COL28A1: variants seen among roughly 807,000 people sequenced by gnomAD.
COL28A1 encodes the protein collagen alpha-1(XXVIII) chain.
COL28A1 carries 161 observed loss-of-function variants against 150.2 expected under a neutral mutation model. The ratio of observed to expected loss-of-function variants is 1.07; its 90% confidence interval spans 0.94 to 1.22. The LOEUF (loss-of-function observed/expected upper bound fraction) is 1.22. Ranked by LOEUF, COL28A1 falls within the 50% of genes most tolerant of loss-of-function variation. The pLI, the probability that COL28A1 is intolerant of heterozygous loss-of-function variation, is 0.00. For missense variants in COL28A1, 1,617 were observed against 1,388.3 expected (o/e 1.16, Z -2.62); for synonymous variants, 552 against 469.7 (o/e 1.18, Z -2.26).
chr7:7,477,839 C>A (rs1490904546), intron 13 of COL28A1, among the ~76,000 whole-genome samples: 3 of 152,204 alleles, frequency 2.0e-5, no homozygotes, highest in African/African-American at 7.2e-5. Context: ...TCTGGCCCCA[C>A]CCACTTCCTG....
rs1167452432 is a variant in COL28A1 at position 7,391,718 on chromosome 7, C to CATT, written c.2137-10109_2137-10107dup. Among the ~76,000 whole-genome samples the CATT allele has an allele frequency of 2.0e-5, 3 of 151,602 alleles. No homozygotes were observed. The East Asian group carries it at 5.8e-4, about 29-fold the overall frequency. On this transcript the variant is annotated intron_variant, in intron 27 of 34. Transcript: ENST00000399429. The stretch of plus-strand genomic sequence containing the variant: ...CTTCATGTTGCATTGATCCCTTTAC[C>CATT]ATTATGTAATGCCCTTCTTTGTCTT...
intron 6 of COL28A1, 59 bp downstream of exon 6, chr7:7,520,003 T>A (rs1376843537): frequency 1.8e-5 from 15 of 828,216 alleles, no homozygotes; most frequent in East Asian, 2.5e-5. Flanking sequence ...ATTGTTGTTT[T>A]AAAAAAAAAG....
chr7:7,451,512 C>G (rs1786690356), intron 18 of COL28A1, among the ~76,000 whole-genome samples: 1 of 152,172 alleles, frequency 6.6e-6, no homozygotes, highest in Non-Finnish European at 1.5e-5. Context: ...GTGTGAGCCA[C>G]TACGCCCAGC....
chr7:7,380,885 A>T lies in COL28A1; in HGVS notation c.2206-23T>A, dbSNP rs141208158. 12,945 of 1,590,934 alleles carry T rather than the reference A, an allele frequency of 8.1e-3. 73 individuals are homozygous for T. The highest frequency in any genetic ancestry group is 9.7e-3 in the Non-Finnish European group (11,228 of 1,159,802). On this transcript the variant is annotated intron_variant, in intron 28 of 34. Coordinates refer to ENST00000399429, the MANE Select transcript of COL28A1 (RefSeq NM_001037763.3). The stretch of plus-strand genomic sequence containing the variant: ...TCCCTTTACACAATAGGGTAAAATG[A>T]TAGGTTCAGAATGTGAATCTAAAAG...
At position 7,358,109 on chromosome 7, in the gene COL28A1, A is replaced by T. The variant is rs1205450651; in HGVS notation, c.*524T>A. 6.6e-6 allele frequency: 1 copy of T among 152,048 alleles called. No individual in the cohort carries two copies. Among genetic ancestry groups the T allele is most frequent in the Admixed American group, 6.6e-5 (1 of 15,254 alleles). 9.4% of individuals were successfully genotyped at this position (152,048 alleles called of 1,614,324 possible). On this transcript the variant is annotated 3_prime_UTR_variant, in exon 35 of 35. Transcript: ENST00000399429. Reference sequence around the variant, plus strand: ...GGGCAAGTGAGGCAAAAATCTAACTACCCTCACCATCCCGACTCCTATCCC... The same window carrying T: ...GGGCAAGTGAGGCAAAAATCTAACTTCCCTCACCATCCCGACTCCTATCCC...
intron 30 of COL28A1, among the ~76,000 whole-genome samples, chr7:7,377,149 G>A (rs949020729): frequency 6.6e-6 from 1 of 152,096 alleles, no homozygotes; most frequent in African/African-American, 2.4e-5. Context: ...TCACTTATAA[G>A]AGCAATGCAT....
At chr7:7,426,097 G>C (rs1427245066) in intron 25 of COL28A1, among the ~76,000 whole-genome samples, 4 of 151,986 alleles carry the variant, frequency 2.6e-5, no homozygotes, top group African/African-American at 9.7e-5. Flanking sequence ...TCTACTTTGG[G>C]GACAATAAAA....
intron 3 of COL28A1, among the ~76,000 whole-genome samples, chr7:7,524,472 A>G (rs915090755): frequency 6.6e-6 from 1 of 151,994 alleles, no homozygotes; most frequent in Non-Finnish European, 1.5e-5. Context: ...ATTAACCTAT[A>G]TTTTCTAGGA....
chr7:7,352,187 T>C (rs543095095), downstream of COL28A1, among the ~76,000 whole-genome samples: 1 of 152,338 alleles, frequency 6.6e-6, no homozygotes, highest in East Asian at 1.9e-4. Context: ...TCATTATTTC[T>C]GTAATGACTT....
At chr7:7,443,463 C>A in intron 20 of COL28A1, 122 bp downstream of exon 20, 1 of 1,443,802 alleles carries the variant, frequency 6.9e-7, no homozygotes, top group Non-Finnish European at 9.3e-7. Context: ...AGTATTCATA[C>A]TTTTAAGCCA....
At chr7:7,378,080 C>T (rs1184073801) in intron 30 of COL28A1, among the ~76,000 whole-genome samples, 1 of 152,060 alleles carries the variant, frequency 6.6e-6, no homozygotes, top group African/African-American at 2.4e-5. Context: ...AAGACATCCA[C>T]CTAGAGATGT....
chr7:7,432,280 G>A (rs969011653), intron 25 of COL28A1, among the ~76,000 whole-genome samples, 193 bp downstream of exon 25: 1 of 152,082 alleles, frequency 6.6e-6, no homozygotes, highest in Non-Finnish European at 1.5e-5. Flanking sequence ...AGAGAAGGAG[G>A]ACCCAAACCA....
At chr7:7,497,972 C>A (rs1227597522) in intron 11 of COL28A1, among the ~76,000 whole-genome samples, 3 of 152,090 alleles carry the variant, frequency 2.0e-5, no homozygotes, top group Non-Finnish European at 4.4e-5. Flanking sequence ...AAAGTCCAGT[C>A]CATATACTCT....
chr7:7,396,472 C>CT (rs1782842497), intron 27 of COL28A1, among the ~76,000 whole-genome samples: 1 of 152,030 alleles, frequency 6.6e-6, no homozygotes, highest in Non-Finnish European at 1.5e-5. Context: ...TTCCCCTTCT[C>CT]TGACTTGATA....
intron 25 of COL28A1, among the ~76,000 whole-genome samples, chr7:7,428,715 T>C (rs1446425298): frequency 1.3e-5 from 2 of 152,226 alleles, no homozygotes; most frequent in African/African-American, 2.4e-5. Flanking sequence ...GGATGAGCAC[T>C]TCCCACTTAG....
At chr7:7,416,413 G>A (rs577809215) in intron 27 of COL28A1, among the ~76,000 whole-genome samples, 12 of 152,146 alleles carry the variant, frequency 7.9e-5, no homozygotes, top group African/African-American at 2.4e-4. Flanking sequence ...GGAGAAAACC[G>A]GCCCCAGGCC....
At position 7,373,629 on chromosome 7, in the gene COL28A1, T is replaced by C. The variant is rs1284097008; in HGVS notation, c.2360-83A>G. ...AGGGGAGGGGAGAAAAAGTCAATGA[T>C]GAACCTGAGACCTAAACTATTCTCT... is the stretch of plus-strand genomic sequence containing the variant. On this transcript the variant is annotated intron_variant, in intron 31 of 34. Transcript: ENST00000399429. The surrounding 1 kb of genome is among the most constrained non-coding windows in gnomAD (Gnocchi z 4.1). 33 of 1,069,430 alleles carry C rather than the reference T, an allele frequency of 3.1e-5. No homozygotes were observed. The highest frequency in any genetic ancestry group is 4.5e-5 in the Non-Finnish European group (33 of 725,548). 66.2% of individuals were successfully genotyped at this position (1,069,430 alleles called of 1,614,324 possible). A position where few individuals can be genotyped will look rare whatever the true frequency, so the allele number is the denominator to read the frequency against.
At chr7:7,539,284 C>G (rs116935186), upstream of COL28A1, among the ~76,000 whole-genome samples, 1 of 152,198 alleles carries the variant, frequency 6.6e-6, no homozygotes, top group Non-Finnish European at 1.5e-5. Context: ...TGCTTCTACT[C>G]ATGGCAGAAG....
chr7:7,479,700 T>G (rs1481120836), intron 13 of COL28A1, among the ~76,000 whole-genome samples: 2 of 152,340 alleles, frequency 1.3e-5, no homozygotes, highest in East Asian at 3.9e-4. Flanking sequence ...AAGAAGTTCA[T>G]GTAACTATTG....
Sources: gnomAD v4.1 joint callset for allele counts (sites outside exome capture counted in the v4.1 genomes callset) on GRCh38, gnomAD v4.1.1 for gene constraint, Gnocchi (gnomAD v3.1) non-coding constraint, MANE v1.5 for transcripts, NCBI Gene and HGNC (gene_info 2026-07-23, HGNC 2026-07-21) for gene names.